TUBB4A: variants seen among roughly 807,000 people sequenced by gnomAD.
TUBB4A encodes tubulin beta-4A chain.
TUBB4A carries 13 observed loss-of-function variants against 35.1 expected under a neutral mutation model. That is an observed-to-expected ratio of 0.37 (90% confidence interval 0.24 to 0.59). TUBB4A has a LOEUF of 0.59. TUBB4A is among the 20% of genes least tolerant of loss of function. The probability of loss-of-function intolerance (pLI) is 0.71; values close to 1 mark genes in which losing one functional copy is unlikely to be tolerated. For synonymous variants in TUBB4A, 279 were observed against 272.4 expected (o/e 1.02, Z -0.24); for missense variants, 299 against 647.2 (o/e 0.46, Z 5.84).
In TUBB4A at chr19:6,494,962, G is replaced by GC; in HGVS notation, c.*201_*202insG. 1 of 655,080 alleles carries GC rather than the reference G, an allele frequency of 1.5e-6. No individual in the cohort carries two copies. The highest frequency in any genetic ancestry group is 2.6e-6 in the Non-Finnish European group (1 of 386,620). 40.6% of individuals were successfully genotyped at this position (655,080 alleles called of 1,614,324 possible). ...GTCAAGGTTGGAAGAGCTCAAGGGG[G>GC]TTAAAGATAAATTAGGGCTCAAAGG... On this transcript the variant is annotated 3_prime_UTR_variant, in exon 4 of 4. Coordinates refer to ENST00000264071, the MANE Select transcript of TUBB4A (RefSeq NM_006087.4).
chr19:6,501,294 G>C lies in TUBB4A; in HGVS notation c.270C>G (p.Phe90Leu). ...CCCTGCTGGGGGACTCACCAAACAC[G>C]AAGTTGTCCGGCCGAAAGATCTGAC... ...PFGQIFRPDN[F>L]VFGQSGAGNN... Residue 90 changes from phenylalanine to leucine, a missense_variant, in exon 3 of 4, where the codon TTC becomes TTG. Phe to Leu is a conservative substitution (Grantham distance 22). Around this residue, in one of 5 missense-constraint regions of TUBB4A, gnomAD observed 123 missense variants for 226.0 expected, o/e 0.54. Coordinates refer to ENST00000264071, the MANE Select transcript of TUBB4A (RefSeq NM_006087.4). This position sits in a 1 kb window ranked among gnomAD's most constrained non-coding sequence, Gnocchi z 4.2. 1 of 1,613,758 alleles carries C rather than the reference G, an allele frequency of 6.2e-7. No individual in the cohort carries two copies. The highest frequency in any genetic ancestry group is 8.5e-7 in the Non-Finnish European group (1 of 1,179,800).
At chr19:6,498,418 T>C (rs1199236507) in intron 3 of TUBB4A, among the ~76,000 whole-genome samples, 1 of 152,088 alleles carries the variant, frequency 6.6e-6, no homozygotes. Context: ...AGAGGACACC[T>C]GAGAGCAAGT....
chr19:6,502,086 G>T, intron 1 of TUBB4A, 70 bp downstream of exon 1: 1 of 1,466,368 alleles, frequency 6.8e-7, no homozygotes, highest in Non-Finnish European at 9.1e-7. Context: ...GTTGCGGGGT[G>T]CTCCGGGGAC....
upstream of TUBB4A, chr19:6,502,657 A>C (rs911767832): frequency 6.4e-6 from 1 of 157,182 alleles, no homozygotes; most frequent in Non-Finnish European, 1.4e-5. Context: ...CTTAGCCTCC[A>C]CCCTCCCGCC....
At chr19:6,500,063 T>TTACA (rs1914458937) in intron 3 of TUBB4A, among the ~76,000 whole-genome samples, 1 of 152,180 alleles carries the variant, frequency 6.6e-6, no homozygotes, top group South Asian at 2.1e-4. Flanking sequence ...AGTGCTGGGA[T>TTACA]TACAGGTGTG....
At chr19:6,496,480 A>C in intron 3 of TUBB4A, 1 of 345,862 alleles carries the variant, frequency 2.9e-6, no homozygotes, top group Admixed American at 4.4e-5. Flanking sequence ...TTACAAAAAA[A>C]ATTAGCCGGG....
At chr19:6,499,179 T>A (rs1914412628) in intron 3 of TUBB4A, among the ~76,000 whole-genome samples, 1 of 151,960 alleles carries the variant, frequency 6.6e-6, no homozygotes, top group Admixed American at 6.6e-5. Flanking sequence ...ATACAAAAAA[T>A]TAGCTAGGTG....
At chr19:6,497,939 T>C (rs1282334346) in intron 3 of TUBB4A, among the ~76,000 whole-genome samples, 1 of 104,522 alleles carries the variant, frequency 9.6e-6, no homozygotes, top group Non-Finnish European at 1.8e-5. Flanking sequence ...TGGCCAGGCG[T>C]GGTGGCTCAC....
chr19:6,501,303 C>T lies in TUBB4A; in HGVS notation c.261G>A (p.Pro87=), dbSNP rs974768199. 1.9e-6 allele frequency: 3 copies of T among 1,613,874 alleles called. No individual in the cohort carries two copies. The highest frequency in any genetic ancestry group is 1.7e-5 in the Admixed American group (1 of 59,968). ...GGGACTCACCAAACACGAAGTTGTCCGGCCGAAAGATCTGACCGAAGGGGC... is the reference window on the plus strand; with the variant it reads ...GGGACTCACCAAACACGAAGTTGTCTGGCCGAAAGATCTGACCGAAGGGGC... ...RSGPFGQIFR[P]DNFVFGQSGA... is the part of the protein sequence containing the mutation. The change falls in exon 3 of 4, where the codon CCG becomes CCA. Residue 87 remains proline (P), a synonymous_variant. Coordinates refer to ENST00000264071, the MANE Select transcript of TUBB4A (RefSeq NM_006087.4). This position sits in a 1 kb window ranked among gnomAD's most constrained non-coding sequence, Gnocchi z 4.2.
chr19:6,494,692 T>G lies in TUBB4A; in HGVS notation c.*472A>C. On this transcript the variant is annotated 3_prime_UTR_variant, in exon 4 of 4. Transcript: ENST00000264071. ...AGGGGATTCAGAGATCAAAGAGAAG[T>G]TGGGGTCAGAGGTAGGAGCTGGGGC... The G allele has an allele frequency of 5.8e-6, 1 of 173,168 alleles. No homozygotes were observed. The highest frequency in any genetic ancestry group is 1.2e-5 in the Non-Finnish European group (1 of 84,086). 10.7% of individuals were successfully genotyped at this position (173,168 alleles called of 1,614,324 possible). A position where few individuals can be genotyped will look rare whatever the true frequency, so the allele number is the denominator to read the frequency against.
At position 6,495,589 on chromosome 19, in the gene TUBB4A, C is replaced by T. The variant is rs751521182; in HGVS notation, c.910G>A (p.Asp304Asn). 4 of 1,613,968 alleles carry T rather than the reference C, an allele frequency of 2.5e-6. No homozygotes were observed. Among genetic ancestry groups the T allele is most frequent in the East Asian group, 2.2e-5 (1 of 44,880 alleles). The change falls in exon 4 of 4, where the codon GAC (aspartate) becomes AAC (asparagine). Residue 304 changes from aspartate (D) to asparagine (N), a missense_variant. Asp to Asn is a conservative substitution (Grantham distance 23, BLOSUM62 1). Around this residue, in one of 5 missense-constraint regions of TUBB4A, gnomAD observed 125 missense variants for 279.1 expected, o/e 0.45. Transcript: ENST00000264071. The surrounding 1 kb of genome is among the most constrained non-coding windows in gnomAD (Gnocchi z 8.7). ...GTCAGGTAGCGGCCGTGGCGCGGGT[C>T]GCACGCCGCCATCATGTTCTTGGCA... ...FDAKNMMAAC[D>N]PRHGRYLTVA...
In TUBB4A at chr19:6,496,131, T is replaced by G; in HGVS notation, c.368A>C (p.Glu123Ala). ...CTGAAGGCAGTCGCAGCTCTCGGCC[T>G]CCTTCCGGACTACGTCCAGGACAGC... Reference protein sequence around the residue: ...VDAVLDVVRKEAESCDCLQGF... With the variant: ...VDAVLDVVRKAAESCDCLQGF... The change falls in exon 4 of 4, where the codon GAG becomes GCG. Residue 123 changes from glutamate (E) to alanine (A), a missense_variant. Physicochemically the swap from Glu to Ala is moderately radical, Grantham distance 107. This residue lies in a region of TUBB4A where 123 missense variants were observed against 226.0 expected (regional missense o/e 0.54). Coordinates refer to ENST00000264071, the MANE Select transcript of TUBB4A (RefSeq NM_006087.4). The G allele has an allele frequency of 1.9e-6, 3 of 1,614,200 alleles. No homozygotes were observed. The highest frequency in any genetic ancestry group is 2.5e-6 in the Non-Finnish European group (3 of 1,180,038).
intron 3 of TUBB4A, among the ~76,000 whole-genome samples, chr19:6,496,995 A>G (rs1259619792): frequency 1.1e-4 from 2 of 17,838 alleles, no homozygotes; most frequent in Non-Finnish European, 2.1e-4. Flanking sequence ...ATGTCTCTAC[A>G]AAAAAAAAAA....
chr19:6,500,863 T>A (rs1241335740), intron 3 of TUBB4A: 6 of 167,028 alleles, frequency 3.6e-5, no homozygotes, highest in African/African-American at 1.2e-4. Flanking sequence ...TTGTGGCCTA[T>A]CACCTTCTAC....
intron 3 of TUBB4A, among the ~76,000 whole-genome samples, chr19:6,497,656 C>G (rs1401420489): frequency 6.6e-6 from 1 of 151,888 alleles, no homozygotes; most frequent in African/African-American, 2.4e-5. Context: ...GAATATTGGC[C>G]AGGCGCAGTG....
intron 3 of TUBB4A, among the ~76,000 whole-genome samples, chr19:6,499,504 G>T (rs1914429372): frequency 6.6e-6 from 1 of 152,180 alleles, no homozygotes; most frequent in South Asian, 2.1e-4. Context: ...CGTCTTACAT[G>T]CTGGGAGTAT....
rs1046974876 is a variant in TUBB4A at position 6,501,846 on chromosome 19, G to A, written c.58-223C>T. ...CCCAGCGGGGCCGGCTGGTGCCAGC[G>A]CACCCAGGCTGCAGCCCGGGGGAGG... On this transcript the variant is annotated intron_variant, in intron 1 of 3. Transcript: ENST00000264071. This position sits in a 1 kb window ranked among gnomAD's most constrained non-coding sequence, Gnocchi z 4.2. 5 of 589,864 alleles carry A rather than the reference G, an allele frequency of 8.5e-6. No homozygotes were observed. The Admixed American group carries it at 9.5e-5, about 11-fold the overall frequency. The allele number at this position is 589,864 out of a possible 1,614,324, so 36.5% of individuals were successfully genotyped here. A position where few individuals can be genotyped will look rare whatever the true frequency, so the allele number is the denominator to read the frequency against.
chr19:6,500,279 C>T (rs1914471025), intron 3 of TUBB4A, among the ~76,000 whole-genome samples: 1 of 151,950 alleles, frequency 6.6e-6, no homozygotes, highest in Non-Finnish European at 1.5e-5. Context: ...CAGGTGCACA[C>T]CACCTCACTC....
upstream of TUBB4A, chr19:6,502,646 C>T (rs1374765506): frequency 6.0e-6 from 1 of 167,912 alleles, no homozygotes; most frequent in African/African-American, 2.4e-5. Context: ...TGCCCCTCCC[C>T]CTTAGCCTCC....
Sources: allele counts gnomAD v4.1 joint callset (sites outside exome capture counted in the v4.1 genomes callset), GRCh38; gene constraint gnomAD v4.1.1; regional missense constraint gnomAD v4.1.1; non-coding constraint Gnocchi (gnomAD v3.1); transcripts MANE v1.5; gene names NCBI Gene and HGNC (gene_info 2026-07-23, HGNC 2026-07-21).